TP63: variants seen among roughly 807,000 people sequenced by gnomAD.
TP63 encodes tumor protein 63.
Under a neutral mutation model 82.8 loss-of-function variants are expected in TP63, and 17 were observed. The ratio of observed to expected loss-of-function variants is 0.21; its 90% CI spans 0.14 to 0.31. TP63 has a LOEUF of 0.31. Ranked by LOEUF, TP63 falls within the 10% of genes least tolerant of loss-of-function variation. The probability of loss-of-function intolerance (pLI) is 1.00; values close to 1 mark genes in which losing one functional copy is unlikely to be tolerated. For synonymous variants in TP63, 330 were observed against 321.7 expected, an observed-to-expected ratio of 1.03 and a Z score of -0.28; for missense variants, 648 against 895.3, an observed-to-expected ratio of 0.72 and a Z score of 3.52.
In TP63 at chr3:189,749,756, C is replaced by T. The variant is rs531386385; in HGVS notation, c.324+10982C>T. ...TGCATGTTTATTGCAATATTATTCA[C>T]CTATGTGTCCATCAATTAATAAAGA... is the stretch of plus-strand genomic sequence containing the variant. On this transcript the variant is annotated intron_variant, in intron 3 of 13. Coordinates refer to ENST00000264731, the MANE Select transcript of TP63 (RefSeq NM_003722.5). Among the ~76,000 whole-genome samples the T allele has an allele frequency of 4.6e-5, 7 of 152,244 alleles. No individual in the cohort carries two copies. The South Asian group carries it at 1.2e-3, about 27-fold the overall frequency.
chr3:189,889,258 T>C (rs1720769072), intron 11 of TP63, 82 bp from the exon 12 acceptor site: 1 of 1,606,230 alleles, frequency 6.2e-7, no homozygotes, highest in African/African-American at 1.3e-5. Context: ...CTTGATAAAA[T>C]TTAACCAGAC....
intron 4 of TP63, among the ~76,000 whole-genome samples, chr3:189,863,935 C>T (rs1161544183): frequency 6.6e-6 from 1 of 152,186 alleles, no homozygotes; most frequent in Non-Finnish European, 1.5e-5. Context: ...TTCATTTAAA[C>T]CCCTCTGAGC....
In TP63 at chr3:189,738,697, G is replaced by A; in HGVS notation, c.247G>A (p.Asp83Asn). 1.2e-6 allele frequency: 2 copies of A among 1,614,164 alleles called. No individual in the cohort carries two copies. Among genetic ancestry groups the A allele is most frequent in the Non-Finnish European group, 1.7e-6 (2 of 1,180,010 alleles). ...GAACTTTGTGGATGAACCATCAGAA[G>A]ATGGTGCGACAAACAAGATTGAGAT... is the stretch of plus-strand genomic sequence containing the variant. ...DLNFVDEPSE[D>N]GATNKIEISM... is the part of the protein sequence containing the mutation. The change falls in exon 3 of 14, where the codon GAT (aspartate) becomes AAT (asparagine). Residue 83 changes from aspartate to asparagine, a missense_variant. Coordinates refer to ENST00000264731, the MANE Select transcript of TP63 (RefSeq NM_003722.5).
chr3:189,819,795 A>G (rs186735247), intron 4 of TP63, among the ~76,000 whole-genome samples: 4 of 124,718 alleles, frequency 3.2e-5, no homozygotes, highest in African/African-American at 1.3e-4. Context: ...TCTGTCACTC[A>G]GGCTGGAGTG....
intron 1 of TP63, among the ~76,000 whole-genome samples, chr3:189,703,912 GTC>G (rs1478660221): frequency 6.6e-6 from 1 of 152,182 alleles, no homozygotes; most frequent in African/African-American, 2.4e-5. Context: ...CTGATGGAGA[GTC>G]TACAGTCAGT....
intron 4 of TP63, among the ~76,000 whole-genome samples, chr3:189,851,271 A>G (rs1223913410): frequency 6.6e-6 from 1 of 152,110 alleles, no homozygotes; most frequent in Non-Finnish European, 1.5e-5. Flanking sequence ...TAAATGTGTT[A>G]TTTCCAGCCA....
chr3:189,726,140 A>G (rs369431245), intron 1 of TP63, among the ~76,000 whole-genome samples: 2 of 152,184 alleles, frequency 1.3e-5, no homozygotes, highest in African/African-American at 4.8e-5. Context: ...TTTATATTTA[A>G]GAAAAATCCA....
intron 1 of TP63, among the ~76,000 whole-genome samples, chr3:189,652,121 T>C (rs114024658): frequency 0.015 from 2,263 of 146,238 alleles, 307 homozygotes; most frequent in African/African-American, 0.056. Context: ...CTAGTGGAGC[T>C]GTGAGAGGAG....
At chr3:189,644,775 C>T (rs1434152799) in intron 1 of TP63, among the ~76,000 whole-genome samples, 1 of 152,108 alleles carries the variant, frequency 6.6e-6, no homozygotes, top group Non-Finnish European at 1.5e-5. Context: ...TAAGAATATA[C>T]CATATTTGAT....
At position 189,808,385 on chromosome 3, in the gene TP63, C is replaced by G. The variant is rs1464562151; in HGVS notation, c.438C>G (p.Pro146=). Residue 146 remains proline (P), a synonymous_variant, in exon 4 of 14, where the codon CCC becomes CCG. Transcript: ENST00000264731. ...ACGCGCAGAACAGCGTCACGGCGCCCTCGCCCTACGCACAGCCCAGCTCCA... is the reference window on the plus strand; with the variant it reads ...ACGCGCAGAACAGCGTCACGGCGCCGTCGCCCTACGCACAGCCCAGCTCCA... ...TDHAQNSVTA[P]SPYAQPSSTF... The G allele has an allele frequency of 6.8e-6, 11 of 1,614,084 alleles. No homozygotes were observed. Among genetic ancestry groups the G allele is most frequent in the Non-Finnish European group, 9.3e-6 (11 of 1,180,052 alleles).
At position 189,889,439 on chromosome 3, in the gene TP63, A is replaced by T. The variant is rs1720793336; in HGVS notation, c.1607A>T (p.His536Leu). The change falls in exon 12 of 14, where the codon CAC (histidine) becomes CTC (leucine). Residue 536 changes from histidine (H) to leucine (L), a missense_variant. By Grantham distance (99) the His-to-Leu change is moderately conservative. Transcript: ENST00000264731. ...PPPLSMPSTS[H>L]CTPPPPYPTD... ...CCACTCTCCATGCCATCCACCTCCC[A>T]CTGCACACCCCCACCTCCGTATCCC... 1 of 1,613,088 alleles carries T rather than the reference A, an allele frequency of 6.2e-7. No individual in the cohort carries two copies. Among genetic ancestry groups the T allele is most frequent in the Non-Finnish European group, 8.5e-7 (1 of 1,179,784 alleles).
chr3:189,694,690 C>G (rs1717209757), intron 1 of TP63, among the ~76,000 whole-genome samples: 1 of 150,862 alleles, frequency 6.6e-6, no homozygotes, highest in Admixed American at 6.7e-5. Flanking sequence ...TACTGATCAC[C>G]TGGCTGAGTC....
intron 13 of TP63, among the ~76,000 whole-genome samples, chr3:189,892,408 C>T (rs1721106545): frequency 1.3e-5 from 2 of 152,158 alleles, no homozygotes; most frequent in African/African-American, 4.8e-5. Context: ...CCATCCAGGG[C>T]ATCATGACAA....
At position 189,648,821 on chromosome 3, in the gene TP63, T is replaced by TTCACATATA. The variant is rs1413283688; in HGVS notation, c.62+17245_62+17253dup. Among the ~76,000 whole-genome samples, 2 of 146,142 alleles carry TTCACATATA rather than the reference T, an allele frequency of 1.4e-5. 1 individual carries two copies. Among genetic ancestry groups the TTCACATATA allele is most frequent in the African/African-American group, 5.1e-5 (2 of 39,076 alleles). On this transcript the variant is annotated intron_variant, in intron 1 of 13. Transcript: ENST00000264731. ...TTAGGACTTTGTCATGTAAAACCATTTCACATATAGTATTTGAGCCATAGA... is the reference window on the plus strand; with the variant it reads ...TTAGGACTTTGTCATGTAAAACCATTTCACATATATCACATATAGTATTTGAGCCATAGA...
chr3:189,807,134 T>C (rs906926869), intron 3 of TP63, among the ~76,000 whole-genome samples: 26 of 152,236 alleles, frequency 1.7e-4, no homozygotes, highest in Non-Finnish European at 3.5e-4. Context: ...TCGGAAGGTT[T>C]TACAAAGGAA....
At chr3:189,687,021 G>T (rs1197439883) in intron 1 of TP63, among the ~76,000 whole-genome samples, 3 of 152,040 alleles carry the variant, frequency 2.0e-5, no homozygotes, top group Admixed American at 1.3e-4. Flanking sequence ...GAGCCACCGC[G>T]CCTGGCCAAG....
chr3:189,774,114 G>C (rs1273967088), intron 3 of TP63, among the ~76,000 whole-genome samples: 1 of 151,778 alleles, frequency 6.6e-6, no homozygotes, highest in South Asian at 2.1e-4. Context: ...AGTAGAGACG[G>C]GGTTTCACCG....
the TP63 span, among the ~76,000 whole-genome samples, chr3:189,605,768 G>A: frequency 0.027 from 4,024 of 151,796 alleles, 63 homozygotes; most frequent in Middle Eastern, 0.058. Flanking sequence ...TCCATTAATG[G>A]CTAGAAAAAA....
chr3:189,636,444 C>T (rs1004780653), intron 1 of TP63, among the ~76,000 whole-genome samples: 1 of 152,220 alleles, frequency 6.6e-6, no homozygotes, highest in African/African-American at 2.4e-5. Flanking sequence ...AAACTCAACT[C>T]AACTCTGAAA....
Sources: gnomAD v4.1 joint callset for allele counts (sites outside exome capture counted in the v4.1 genomes callset) on GRCh38, gnomAD v4.1.1 for gene constraint, MANE v1.5 for transcripts, NCBI Gene and HGNC (gene_info 2026-07-23, HGNC 2026-07-21) for gene names.